The following ADGRB3 variants were observed in gnomAD, a reference collection of about 807,000 sequenced individuals.
ADGRB3 encodes adhesion G protein-coupled receptor B3.
In ADGRB3, 37 loss-of-function variants were observed where a neutral mutation model predicts 193.4. That is an observed-to-expected ratio of 0.19 (90% CI 0.15 to 0.25). ADGRB3 has a LOEUF of 0.25. Ranked by LOEUF, ADGRB3 falls within the 10% of genes least tolerant of loss-of-function variation. The pLI is 1.00. For synonymous variants in ADGRB3, 690 were observed against 644.2 expected (o/e 1.07, Z -1.08); for missense variants, 1,637 against 1,852.9 (o/e 0.88, Z 2.14).
intron 20 of ADGRB3, among the ~76,000 whole-genome samples, chr6:69,323,458 T>G (rs1300148736): frequency 6.6e-6 from 1 of 152,052 alleles, no homozygotes; most frequent in Non-Finnish European, 1.5e-5. Context: ...AGCTACTGCA[T>G]TATACCTGAG....
intron 3 of ADGRB3, among the ~76,000 whole-genome samples, chr6:68,692,776 TTAA>T (rs936293787): frequency 2.0e-5 from 3 of 151,328 alleles, no homozygotes; most frequent in African/African-American, 7.3e-5. Flanking sequence ...TAAAATTGAA[TTAA>T]TAATATCTTT....
chr6:69,354,082 T>A (rs1769284952), intron 26 of ADGRB3, 151 bp from the exon 27 acceptor site: 1 of 515,404 alleles, frequency 1.9e-6, no homozygotes, highest in African/African-American at 1.9e-5. Flanking sequence ...ATAGTAGTAA[T>A]AATAATAAGT....
chr6:69,118,019 A>G (rs1379103676), intron 17 of ADGRB3, among the ~76,000 whole-genome samples: 2 of 152,210 alleles, frequency 1.3e-5, no homozygotes, highest in African/African-American at 2.4e-5. Context: ...AGATAACAGC[A>G]TAATTAACAC....
At chr6:68,845,153 G>T (rs150204725) in intron 3 of ADGRB3, among the ~76,000 whole-genome samples, 1 of 152,236 alleles carries the variant, frequency 6.6e-6, no homozygotes, top group African/African-American at 2.4e-5. Context: ...TGAGGTAAAT[G>T]GATATCACAC....
intron 16 of ADGRB3, among the ~76,000 whole-genome samples, chr6:69,067,065 A>T (rs1771931294): frequency 6.6e-6 from 1 of 152,154 alleles, no homozygotes; most frequent in South Asian, 2.1e-4. Context: ...AAGCCTGAAA[A>T]TGCATACTTT....
At chr6:68,796,689 A>G (rs771269392) in intron 3 of ADGRB3, among the ~76,000 whole-genome samples, 1 of 152,156 alleles carries the variant, frequency 6.6e-6, no homozygotes, top group Admixed American at 6.6e-5. Context: ...GTTTGCTTCT[A>G]AAACTTCTGG....
intron 20 of ADGRB3, among the ~76,000 whole-genome samples, chr6:69,279,033 A>T (rs1767361558): frequency 7.5e-6 from 1 of 134,056 alleles, no homozygotes; most frequent in Non-Finnish European, 1.6e-5. Flanking sequence ...TTCACTTCTC[A>T]CTTCCTCAAC....
chr6:69,272,364 G>A (rs950590483), intron 20 of ADGRB3, among the ~76,000 whole-genome samples: 2 of 152,178 alleles, frequency 1.3e-5, no homozygotes, highest in Non-Finnish European at 2.9e-5. Flanking sequence ...CAGCTCAAGA[G>A]AGAAGGAAGG....
chr6:68,756,183 A>G lies in ADGRB3; in HGVS notation c.757+116751A>G, dbSNP rs556516445. On this transcript the variant is annotated intron_variant, in intron 3 of 31. Transcript: ENST00000370598. ...GTAGAAGACAAGAGTATAATGCCCCAGGAGACGGCTGTATATAACTTCCAC... is the reference window on the plus strand; with the variant it reads ...GTAGAAGACAAGAGTATAATGCCCCGGGAGACGGCTGTATATAACTTCCAC... 5.3e-5 allele frequency among the ~76,000 whole-genome samples: 8 copies of G among 152,234 alleles called. No individual in the cohort carries two copies. The East Asian group carries it at 1.5e-3, about 29-fold the overall frequency.
Position 68,881,294 on chromosome 6 carries a change from T to C in ADGRB3, c.758-49265T>C, listed in dbSNP as rs777793121. Among the ~76,000 whole-genome samples, 66 of 152,208 alleles carry C rather than the reference T, an allele frequency of 4.3e-4. 1 individual carries two copies. The highest frequency in any genetic ancestry group is 1.6e-4 in the Non-Finnish European group (11 of 68,038). On this transcript the variant is annotated intron_variant, in intron 3 of 31. Coordinates refer to ENST00000370598, the MANE Select transcript of ADGRB3 (RefSeq NM_001704.3). ...CCTCCTTCTCATATTTTCCGTGTGT[T>C]GCAGAGTGATCTCTCTCAAATGCCA...
At chr6:69,283,670 A>G (rs140985547) in intron 20 of ADGRB3, among the ~76,000 whole-genome samples, 4 of 152,248 alleles carry the variant, frequency 2.6e-5, no homozygotes, top group Admixed American at 6.5e-5. Context: ...ACTAGCAGCT[A>G]TGATTACAAA....
In ADGRB3 at chr6:69,327,905, GA is replaced by G. The variant is rs1467401513; in HGVS notation, c.3035+17del. ...CTGATCACTAGTAAGTCCATCCACAGAGATAAATCATGTTTATAATTTAACA... is the reference window on the plus strand; with the variant it reads ...CTGATCACTAGTAAGTCCATCCACAGGATAAATCATGTTTATAATTTAACA... On this transcript the variant is annotated intron_variant, in intron 22 of 31. Transcript: ENST00000370598. 6.3e-7 allele frequency: 1 copy of G among 1,586,308 alleles called. No individual in the cohort carries two copies. Among genetic ancestry groups the G allele is most frequent in the African/African-American group, 1.3e-5 (1 of 74,528 alleles).
chr6:69,369,478 G>A (rs1427105371), intron 29 of ADGRB3, among the ~76,000 whole-genome samples: 3 of 152,124 alleles, frequency 2.0e-5, no homozygotes, highest in African/African-American at 4.8e-5. Context: ...CAGGTGGATC[G>A]CTTGAGCCCA....
chr6:68,733,473 G>A (rs1765812650), intron 3 of ADGRB3, among the ~76,000 whole-genome samples: 1 of 151,836 alleles, frequency 6.6e-6, no homozygotes, highest in East Asian at 1.9e-4. Flanking sequence ...AATAGACAGT[G>A]GGGACTTCAA....
intron 3 of ADGRB3, among the ~76,000 whole-genome samples, chr6:68,925,695 T>A (rs1253866597): frequency 1.3e-5 from 2 of 152,014 alleles, no homozygotes; most frequent in African/African-American, 4.8e-5. Flanking sequence ...GGCATTCCAG[T>A]ATTTAGGAAA....
intron 3 of ADGRB3, among the ~76,000 whole-genome samples, chr6:68,903,577 A>G (rs561838723): frequency 6.6e-6 from 1 of 152,294 alleles, no homozygotes; most frequent in East Asian, 1.9e-4. Context: ...TTGGAACTCA[A>G]ATGAAAATAT....
intron 20 of ADGRB3, among the ~76,000 whole-genome samples, chr6:69,266,920 G>A (rs1006280554): frequency 6.6e-6 from 1 of 152,050 alleles, no homozygotes; most frequent in Non-Finnish European, 1.5e-5. Context: ...TAACAAGGGT[G>A]ATACCAGTCT....
intron 3 of ADGRB3, among the ~76,000 whole-genome samples, chr6:68,676,192 A>G (rs1182310478): frequency 6.6e-6 from 1 of 151,952 alleles, no homozygotes; most frequent in African/African-American, 2.4e-5. Flanking sequence ...GGAGATGGAG[A>G]CCATCCTGGC....
At chr6:68,933,808 A>G (rs982748624) in intron 4 of ADGRB3, among the ~76,000 whole-genome samples, 6 of 152,182 alleles carry the variant, frequency 3.9e-5, no homozygotes, top group Admixed American at 6.5e-5. Flanking sequence ...TCAAGGTCAC[A>G]GAGCTATTAT....
Sources: allele counts gnomAD v4.1 joint callset (sites outside exome capture counted in the v4.1 genomes callset), GRCh38; gene constraint gnomAD v4.1.1; transcripts MANE v1.5; gene names NCBI Gene and HGNC (gene_info 2026-07-23, HGNC 2026-07-21).